GALNT1: variants seen among roughly 807,000 people sequenced by gnomAD.
GALNT1 encodes GalNAc transferase 1.
Under a neutral mutation model 65.7 loss-of-function variants are expected in GALNT1, and 17 were observed. The ratio of observed to expected loss-of-function variants is 0.26; its 90% confidence interval spans 0.18 to 0.39. The LOEUF is 0.39. Among genes scored for constraint, GALNT1 ranks in the 10% least tolerant of loss-of-function variants. The probability of loss-of-function intolerance (pLI) is 1.00; values close to 1 mark genes in which losing one functional copy is unlikely to be tolerated. For missense variants in GALNT1, 460 were observed against 672.8 expected, an observed-to-expected ratio of 0.68 and a Z score of 3.50; for synonymous variants, 210 against 219.7, an observed-to-expected ratio of 0.96 and a Z score of 0.39.
chr18:35,668,813 G>T (rs1363439693), intron 3 of GALNT1, among the ~76,000 whole-genome samples: 2 of 152,014 alleles, frequency 1.3e-5, no homozygotes, highest in African/African-American at 4.8e-5. Flanking sequence ...GATTATAAGT[G>T]AATATTATAA....
chr18:35,694,214 T>C lies in GALNT1; in HGVS notation c.1299+1894T>C, dbSNP rs559920253. Reference sequence around the variant, plus strand: ...ATGGAAGAAGCAACATAGATGAATGTGTACAAGTCTTGCAAGGAATTTTCT... The same window carrying C: ...ATGGAAGAAGCAACATAGATGAATGCGTACAAGTCTTGCAAGGAATTTTCT... On this transcript the variant is annotated intron_variant, in intron 9 of 11. Coordinates refer to ENST00000269195, the MANE Select transcript of GALNT1 (RefSeq NM_020474.4). 5.9e-5 allele frequency among the ~76,000 whole-genome samples: 9 copies of C among 152,334 alleles called. No homozygotes were observed. In the South Asian group the frequency reaches 1.9e-3, roughly 32 times the overall value.
rs979949815 is a variant in GALNT1 at position 35,669,216 on chromosome 18, G to C, written c.314+5414G>C. Reference sequence around the variant, plus strand: ...AGATCACACCACTGCACTCCAGCCTGAGCAACAGAGAGAGACCATCTCGAA... The same window carrying C: ...AGATCACACCACTGCACTCCAGCCTCAGCAACAGAGAGAGACCATCTCGAA... On this transcript the variant is annotated intron_variant, in intron 3 of 11. Transcript: ENST00000269195. Among the ~76,000 whole-genome samples the C allele has an allele frequency of 1.4e-4, 4 of 27,926 alleles. No individual in the cohort carries two copies. In the Admixed American group the frequency reaches 1.7e-3, roughly 12 times the overall value. 18.3% of individuals were successfully genotyped at this position (27,926 alleles called of 152,430 possible).
At chr18:35,657,262 A>G (rs2047404741) in intron 2 of GALNT1, among the ~76,000 whole-genome samples, 1 of 151,918 alleles carries the variant, frequency 6.6e-6, no homozygotes, top group Non-Finnish European at 1.5e-5. Context: ...CACCCAGTTA[A>G]TTTTTGTATT....
chr18:35,704,246 C>A (rs1182854495), intron 11 of GALNT1, among the ~76,000 whole-genome samples: 1 of 151,762 alleles, frequency 6.6e-6, no homozygotes, highest in Non-Finnish European at 1.5e-5. Context: ...TTCAATATTT[C>A]TTTCTCTGGT....
At chr18:35,618,475 T>G (rs1291704629) in intron 1 of GALNT1, among the ~76,000 whole-genome samples, 2 of 152,146 alleles carry the variant, frequency 1.3e-5, no homozygotes, top group South Asian at 2.1e-4. Context: ...ATCTTTTAGT[T>G]GCATTATGGG....
chr18:35,630,092 G>T (rs376201934), intron 1 of GALNT1, among the ~76,000 whole-genome samples: 1 of 152,022 alleles, frequency 6.6e-6, no homozygotes, highest in African/African-American at 2.4e-5. Flanking sequence ...AGACTCCCAC[G>T]CAATAATAAT....
chr18:35,656,647 GC>G, intron 2 of GALNT1, among the ~76,000 whole-genome samples: 1 of 152,340 alleles, frequency 6.6e-6, no homozygotes, highest in South Asian at 2.1e-4. Flanking sequence ...GTCACACAAG[GC>G]CTTTTATGGC....
Position 35,658,245 on chromosome 18 carries a change from T to C in GALNT1, c.139+3444T>C, listed in dbSNP as rs2047422505. Among the ~76,000 whole-genome samples, 4 of 152,208 alleles carry C rather than the reference T, an allele frequency of 2.6e-5. No homozygotes were observed. The South Asian group carries it at 8.3e-4, about 32-fold the overall frequency. ...GGAGGAGAGCTAGACTTCAGTTAAG[T>C]CTGTAGATGGAGCCTGTGTATTGTG... On this transcript the variant is annotated intron_variant, in intron 2 of 11. Coordinates refer to ENST00000269195, the MANE Select transcript of GALNT1 (RefSeq NM_020474.4).
At chr18:35,619,697 ACTGT>A (rs2144096705) in intron 1 of GALNT1, among the ~76,000 whole-genome samples, 1 of 152,300 alleles carries the variant, frequency 6.6e-6, no homozygotes, top group South Asian at 2.1e-4. Flanking sequence ...CAGTGTAGTA[ACTGT>A]CTGCGCTCAG....
At chr18:35,679,911 A>G (rs1598804082) in intron 4 of GALNT1, among the ~76,000 whole-genome samples, 1 of 152,142 alleles carries the variant, frequency 6.6e-6, no homozygotes, top group South Asian at 2.1e-4. Flanking sequence ...TCACCTGGAT[A>G]TGGAAATAGA....
At chr18:35,706,802 C>T (rs2144769668) in intron 11 of GALNT1, among the ~76,000 whole-genome samples, 1 of 152,200 alleles carries the variant, frequency 6.6e-6, no homozygotes. Context: ...GGGGAACAGC[C>T]CATCAGAATC....
At chr18:35,695,884 TGAG>T (rs748433249) in intron 9 of GALNT1, among the ~76,000 whole-genome samples, 2 of 152,068 alleles carry the variant, frequency 1.3e-5, no homozygotes, top group Non-Finnish European at 2.9e-5. Flanking sequence ...GAACCAAAAA[TGAG>T]GAGTTTTTTG....
intron 3 of GALNT1, among the ~76,000 whole-genome samples, chr18:35,674,252 A>G (rs893638596): frequency 1.3e-5 from 2 of 152,154 alleles, no homozygotes; most frequent in African/African-American, 4.8e-5. Flanking sequence ...AGGCTCTTCT[A>G]AATGTATTTT....
intron 1 of GALNT1, among the ~76,000 whole-genome samples, chr18:35,615,360 G>A (rs2046770329): frequency 6.6e-6 from 1 of 151,722 alleles, no homozygotes; most frequent in Non-Finnish European, 1.5e-5. Flanking sequence ...CGTTTTAAAT[G>A]GTTGGGATTC....
At chr18:35,634,809 G>C (rs1454555987) in intron 1 of GALNT1, among the ~76,000 whole-genome samples, 2 of 152,250 alleles carry the variant, frequency 1.3e-5, no homozygotes, top group South Asian at 2.1e-4. Context: ...TATCAATGTA[G>C]GGAACTGTTC....
chr18:35,688,628 C>T (rs1444853708), intron 6 of GALNT1, among the ~76,000 whole-genome samples: 2 of 152,102 alleles, frequency 1.3e-5, no homozygotes, highest in Non-Finnish European at 2.9e-5. Flanking sequence ...ATTTTGTCTC[C>T]TCTCCTTAAA....
At chr18:35,701,827 C>A (rs76910364) in intron 9 of GALNT1, among the ~76,000 whole-genome samples, 2 of 152,000 alleles carry the variant, frequency 1.3e-5, no homozygotes, top group African/African-American at 4.8e-5. Flanking sequence ...TTGAACGAAC[C>A]GAGTTTGAGA....
chr18:35,710,988 A>T lies in GALNT1; in HGVS notation c.*1218A>T, dbSNP rs1598816444. The T allele has an allele frequency of 6.5e-6, 1 of 152,718 alleles. No homozygotes were observed. The highest frequency in any genetic ancestry group is 1.9e-4 in the East Asian group (1 of 5,186). 9.5% of individuals were successfully genotyped at this position (152,718 alleles called of 1,614,324 possible). ...TTTTTTTAAATAAAATTTGACTGAA[A>T]ATGTTTAATTGGCATTTTTTAATGA... On this transcript the variant is annotated 3_prime_UTR_variant, in exon 12 of 12. Transcript: ENST00000269195.
chr18:35,663,545 C>A, intron 2 of GALNT1, 83 bp from the exon 3 acceptor site: 1 of 1,419,846 alleles, frequency 7.0e-7, no homozygotes, highest in Non-Finnish European at 9.6e-7. Context: ...GGGCACAGTT[C>A]AAACACAAAT....
Sources: allele counts gnomAD v4.1 joint callset (sites outside exome capture counted in the v4.1 genomes callset), GRCh38; gene constraint gnomAD v4.1.1; transcripts MANE v1.5; gene names NCBI Gene and HGNC (gene_info 2026-07-23, HGNC 2026-07-21).